Variants in MSRA observed in about 807,000 individuals in gnomAD.
MSRA encodes mitochondrial peptide methionine sulfoxide reductase.
A neutral mutation model predicts 31.3 loss-of-function variants in MSRA; 54 were observed. The observed-to-expected ratio is 1.73, with a 90% confidence interval of 1.39 to 2.17. The LOEUF is 2.17. Among genes scored for constraint, MSRA ranks in the 30% most tolerant of loss-of-function variants. The pLI is 0.00. For synonymous variants in MSRA, 169 were observed against 116.5 expected (o/e 1.45, Z -2.90); for missense variants, 507 against 300.9 (o/e 1.69, Z -5.07).
At chr8:10,062,133 C>A (rs760583276) in intron 1 of MSRA, among the ~76,000 whole-genome samples, 1 of 152,166 alleles carries the variant, frequency 6.6e-6, no homozygotes, top group Non-Finnish European at 1.5e-5. Context: ...AGAGTGGAAG[C>A]CTCTTTGCTA....
intron 1 of MSRA, among the ~76,000 whole-genome samples, chr8:10,107,922 C>T (rs953196754): frequency 6.6e-6 from 1 of 152,122 alleles, no homozygotes; most frequent in Non-Finnish European, 1.5e-5. Context: ...TTTAGTTTGC[C>T]TTTACAGTGT....
At chr8:10,108,723 G>T (rs2129012261) in intron 1 of MSRA, among the ~76,000 whole-genome samples, 1 of 152,266 alleles carries the variant, frequency 6.6e-6, no homozygotes, top group African/African-American at 2.4e-5. Context: ...ATCTTTGCAG[G>T]TCTCTAGCAC....
intron 5 of MSRA, among the ~76,000 whole-genome samples, chr8:10,338,159 G>C (rs539399123): frequency 1.3e-5 from 2 of 152,226 alleles, no homozygotes; most frequent in African/African-American, 4.8e-5. Flanking sequence ...AGGAACCTAG[G>C]AAAGTGAGCC....
chr8:10,122,987 G>A (rs1225355767), intron 1 of MSRA, among the ~76,000 whole-genome samples: 7 of 152,120 alleles, frequency 4.6e-5, no homozygotes, highest in Admixed American at 1.3e-4. Flanking sequence ...GTGCTGCAGC[G>A]AACATATATG....
At chr8:10,168,359 C>CG (rs1181806340) in intron 1 of MSRA, among the ~76,000 whole-genome samples, 1 of 152,146 alleles carries the variant, frequency 6.6e-6, no homozygotes, top group African/African-American at 2.4e-5. Flanking sequence ...TCTTCCACGT[C>CG]GCTGGTGTGC....
At chr8:10,317,785 T>C in intron 4 of MSRA, among the ~76,000 whole-genome samples, 1 of 152,222 alleles carries the variant, frequency 6.6e-6, no homozygotes, top group East Asian at 1.9e-4. Flanking sequence ...ACAGTGAACT[T>C]TGCAACACTT....
chr8:10,055,040 C>T (rs551126316), intron 1 of MSRA, among the ~76,000 whole-genome samples: 2 of 152,350 alleles, frequency 1.3e-5, no homozygotes, highest in South Asian at 4.1e-4. Flanking sequence ...CTTGTCTCCT[C>T]TGCGCCGGCC....
intron 1 of MSRA, among the ~76,000 whole-genome samples, chr8:10,082,136 G>A (rs180815027): frequency 3.1e-4 from 47 of 152,224 alleles, no homozygotes; most frequent in African/African-American, 1.1e-3. Flanking sequence ...AGCACAGGAG[G>A]TCAAGACTGA....
chr8:10,250,304 T>C (rs1224553725), intron 3 of MSRA: 2 of 618,452 alleles, frequency 3.2e-6, no homozygotes, highest in South Asian at 2.0e-5. Flanking sequence ...CATTCTGCAA[T>C]GGATAAGCAT....
chr8:10,118,267 G>C (rs991227289), intron 1 of MSRA, among the ~76,000 whole-genome samples: 4 of 152,114 alleles, frequency 2.6e-5, no homozygotes, highest in South Asian at 2.1e-4. Context: ...TGATAATAAT[G>C]ACTCTTTCAT....
At chr8:10,136,597 T>G (rs1483059630) in intron 1 of MSRA, among the ~76,000 whole-genome samples, 1 of 152,218 alleles carries the variant, frequency 6.6e-6, no homozygotes, top group Non-Finnish European at 1.5e-5. Flanking sequence ...GCCTGTACAT[T>G]GTAGCATATC....
chr8:10,067,145 A>G (rs1797493932), intron 1 of MSRA, among the ~76,000 whole-genome samples: 1 of 152,134 alleles, frequency 6.6e-6, no homozygotes, highest in Admixed American at 6.5e-5. Flanking sequence ...CACTGCCTTA[A>G]AAGTCCTCTG....
intron 2 of MSRA, among the ~76,000 whole-genome samples, chr8:10,235,869 TAATA>T (rs1811891816): frequency 6.6e-6 from 1 of 152,156 alleles, no homozygotes; most frequent in Non-Finnish European, 1.5e-5. Context: ...AATAAAGTTA[TAATA>T]AATCTTCATA....
chr8:10,336,908 A>G (rs1803083052), intron 5 of MSRA: 1 of 152,248 alleles, frequency 6.6e-6, no homozygotes, highest in African/African-American at 2.4e-5. Flanking sequence ...AAAGACAGGC[A>G]TAGAAATTCT....
At chr8:10,218,057 G>A (rs542946051) in intron 2 of MSRA, among the ~76,000 whole-genome samples, 10 of 151,884 alleles carry the variant, frequency 6.6e-5, no homozygotes, top group Non-Finnish European at 1.3e-4. Flanking sequence ...GGGCTGATCA[G>A]CATCTGTAAG....
chr8:10,326,435 G>C (rs1298156274), intron 5 of MSRA: 1 of 152,118 alleles, frequency 6.6e-6, no homozygotes, highest in Admixed American at 6.5e-5. Context: ...TCAGAGTTTT[G>C]GCTGAAGAAG....
intron 1 of MSRA, among the ~76,000 whole-genome samples, chr8:10,139,627 T>G (rs909765316): frequency 2.6e-5 from 4 of 152,242 alleles, no homozygotes; most frequent in Non-Finnish European, 5.9e-5. Flanking sequence ...GTCTTTGACT[T>G]TGTTTCTGAG....
intron 3 of MSRA, among the ~76,000 whole-genome samples, chr8:10,275,978 C>T (rs1203945585): frequency 4.6e-5 from 7 of 152,174 alleles, no homozygotes; most frequent in African/African-American, 1.2e-4. Context: ...AAAACCTGTC[C>T]TCTGGTACTG....
At chr8:10,211,618 G>A (rs772856983) in intron 2 of MSRA, among the ~76,000 whole-genome samples, 47 of 152,184 alleles carry the variant, frequency 3.1e-4, no homozygotes, top group African/African-American at 7.7e-4. Flanking sequence ...TCTTTAGAGC[G>A]CCCGCCCTGT....
Sources: gnomAD v4.1 joint callset for allele counts (sites outside exome capture counted in the v4.1 genomes callset) on GRCh38, gnomAD v4.1.1 for gene constraint, MANE v1.5 for transcripts, NCBI Gene and HGNC (gene_info 2026-07-23, HGNC 2026-07-21) for gene names.